The following VPS13B variants were observed in gnomAD, a reference collection of about 807,000 sequenced individuals.
VPS13B encodes the protein intermembrane lipid transfer protein VPS13B.
VPS13B carries 285 observed loss-of-function variants against 426.4 expected under a neutral mutation model. The ratio of observed to expected loss-of-function variants is 0.67; its 90% CI spans 0.61 to 0.74. The LOEUF (loss-of-function observed/expected upper bound fraction) is 0.74, where lower values mean the gene tolerates loss of function less well. VPS13B is among the 30% of genes least tolerant of loss of function. The pLI, the probability that VPS13B is intolerant of heterozygous loss-of-function variation, is 0.00. For synonymous variants in VPS13B, 1,676 were observed against 1,676.4 expected, an observed-to-expected ratio of 1.00 and a Z score of 0.01; for missense variants, 4,537 against 4,782.6, an observed-to-expected ratio of 0.95 and a Z score of 1.51.
chr8:99,400,175 A>G (rs1814957716), intron 21 of VPS13B, among the ~76,000 whole-genome samples: 1 of 152,122 alleles, frequency 6.6e-6, no homozygotes. Flanking sequence ...TCTGTACCCT[A>G]TTGGAGTTAT....
intron 56 of VPS13B, among the ~76,000 whole-genome samples, chr8:99,858,045 G>T (rs1230161049): frequency 1.3e-5 from 2 of 152,190 alleles, no homozygotes; most frequent in Non-Finnish European, 2.9e-5. Context: ...GATCCCCTCA[G>T]ATCGCTGAGC....
intron 3 of VPS13B, among the ~76,000 whole-genome samples, chr8:99,054,352 A>G (rs1048909371): frequency 6.6e-6 from 1 of 152,134 alleles, no homozygotes; most frequent in Non-Finnish European, 1.5e-5. Flanking sequence ...TGTTCTTTGG[A>G]TAGTGTCTAT....
intron 35 of VPS13B, among the ~76,000 whole-genome samples, chr8:99,692,958 A>G (rs1222637981): frequency 6.7e-6 from 1 of 149,822 alleles, no homozygotes; most frequent in African/African-American, 2.5e-5. Flanking sequence ...AAATGGATAC[A>G]TTCCTTGACA....
At chr8:99,488,648 T>G (rs1298800686) in intron 25 of VPS13B, among the ~76,000 whole-genome samples, 1 of 152,168 alleles carries the variant, frequency 6.6e-6, no homozygotes, top group Non-Finnish European at 1.5e-5. Flanking sequence ...ACTAGAAAAT[T>G]GAAACCCAGA....
intron 51 of VPS13B, among the ~76,000 whole-genome samples, chr8:99,830,399 T>G (rs751560323): frequency 3.3e-5 from 5 of 152,204 alleles, no homozygotes; most frequent in Non-Finnish European, 7.3e-5. Flanking sequence ...GTTTACACTG[T>G]GAGGGAGAAA....
At chr8:99,349,156 A>G (rs3134144) in intron 19 of VPS13B, among the ~76,000 whole-genome samples, 114,409 of 147,020 alleles carry the variant, frequency 0.78, 45,153 homozygotes, top group South Asian at 0.88. Flanking sequence ...AAACGGTGAA[A>G]CCCCGTCTCT....
chr8:99,131,253 G>C (rs958966788), intron 8 of VPS13B, among the ~76,000 whole-genome samples: 4 of 152,154 alleles, frequency 2.6e-5, no homozygotes, highest in African/African-American at 9.6e-5. Context: ...AACTAAGAAG[G>C]CTTCATTGAT....
intron 17 of VPS13B, among the ~76,000 whole-genome samples, chr8:99,260,960 AT>A (rs1444898499): frequency 2.0e-5 from 3 of 151,834 alleles, no homozygotes; most frequent in African/African-American, 4.8e-5. Context: ...AAAAAACTTA[AT>A]TTTTTTTAAG....
chr8:99,631,711 G>A (rs1005817286), intron 33 of VPS13B, among the ~76,000 whole-genome samples: 1 of 151,930 alleles, frequency 6.6e-6, no homozygotes, highest in African/African-American at 2.4e-5. Flanking sequence ...TATGGTGTGT[G>A]TGTGGGTGTG....
chr8:99,014,615 T>A (rs1841515479), intron 2 of VPS13B, among the ~76,000 whole-genome samples: 1 of 151,142 alleles, frequency 6.6e-6, no homozygotes, highest in Admixed American at 6.6e-5. Flanking sequence ...ACATTCTCAT[T>A]CTCCTTTTTG....
chr8:99,044,371 C>T (rs900283146), intron 3 of VPS13B, among the ~76,000 whole-genome samples: 17 of 151,420 alleles, frequency 1.1e-4, no homozygotes, highest in Admixed American at 5.9e-4. Flanking sequence ...GCTTGAGCCA[C>T]CGCGCCCGGC....
intron 54 of VPS13B, among the ~76,000 whole-genome samples, chr8:99,840,999 G>T (rs889829114): frequency 6.6e-6 from 1 of 152,196 alleles, no homozygotes. Context: ...TGTCTGCTAG[G>T]TACCCTGGTC....
At chr8:99,839,934 C>G (rs533485424) in intron 54 of VPS13B, among the ~76,000 whole-genome samples, 7 of 152,158 alleles carry the variant, frequency 4.6e-5, no homozygotes, top group Non-Finnish European at 1.0e-4. Context: ...TGTTTATTTC[C>G]CCTCAAATAC....
intron 39 of VPS13B, among the ~76,000 whole-genome samples, chr8:99,744,323 G>A (rs1331570054): frequency 6.6e-6 from 1 of 152,156 alleles, no homozygotes; most frequent in Non-Finnish European, 1.5e-5. Context: ...GAAACAAACA[G>A]GTGCTGGAGA....
rs1588616819 is a variant in VPS13B, at chr8:99,679,552, G to A, written c.6046+18061G>A. On this transcript the variant is annotated intron_variant, in intron 35 of 61. Transcript: ENST00000357162. ...GTAGTGATGATGTCCAGATCCCAGTGATAAGTATCATGAACTGCTGCTGAC... is the reference window on the plus strand; with the variant it reads ...GTAGTGATGATGTCCAGATCCCAGTAATAAGTATCATGAACTGCTGCTGAC... Among the ~76,000 whole-genome samples, 3 of 152,290 alleles carry A rather than the reference G, an allele frequency of 2.0e-5. No homozygotes were observed. The East Asian group carries it at 5.8e-4, about 29-fold the overall frequency.
At chr8:99,070,973 G>C (rs190775809) in intron 3 of VPS13B, among the ~76,000 whole-genome samples, 1 of 152,172 alleles carries the variant, frequency 6.6e-6, no homozygotes, top group East Asian at 1.9e-4. Flanking sequence ...AAATTTATCT[G>C]ATAGGATTCT....
At chr8:99,704,589 CAA>C (rs1046248007) in intron 36 of VPS13B, among the ~76,000 whole-genome samples, 4 of 152,128 alleles carry the variant, frequency 2.6e-5, no homozygotes, top group Admixed American at 2.0e-4. Context: ...AATGCCTGAA[CAA>C]TAGGAAATGA....
intron 3 of VPS13B, among the ~76,000 whole-genome samples, chr8:99,051,573 A>T (rs969880417): frequency 1.3e-5 from 2 of 152,236 alleles, no homozygotes; most frequent in Admixed American, 1.3e-4. Flanking sequence ...GAAGAAAGTC[A>T]TCAGTAGCTT....
intron 33 of VPS13B, among the ~76,000 whole-genome samples, chr8:99,597,061 G>A (rs149910523): frequency 2.6e-5 from 4 of 152,122 alleles, no homozygotes; most frequent in African/African-American, 9.6e-5. Flanking sequence ...AAATTGTTCA[G>A]TACGTCTATA....
Sources: gnomAD v4.1 joint callset for allele counts (sites outside exome capture counted in the v4.1 genomes callset) on GRCh38, gnomAD v4.1.1 for gene constraint, MANE v1.5 for transcripts, NCBI Gene and HGNC (gene_info 2026-07-23, HGNC 2026-07-21) for gene names.